CRTAC1: variants seen among roughly 807,000 people sequenced by gnomAD.
The protein encoded by CRTAC1 is acidic secreted protein in cartilage.
A neutral mutation model predicts 67.8 loss-of-function variants in CRTAC1; 37 were observed. That is an observed-to-expected ratio of 0.55 (90% CI 0.42 to 0.72). The LOEUF (loss-of-function observed/expected upper bound fraction) is 0.72, where lower values mean the gene tolerates loss of function less well. CRTAC1 is among the 30% of genes least tolerant of loss of function. The pLI is 0.00. For synonymous variants in CRTAC1, 348 were observed against 371.0 expected, an observed-to-expected ratio of 0.94 and a Z score of 0.71; for missense variants, 780 against 931.6, an observed-to-expected ratio of 0.84 and a Z score of 2.12.
chr10:97,954,195 T>C (rs2051404251), intron 2 of CRTAC1, among the ~76,000 whole-genome samples: 1 of 152,036 alleles, frequency 6.6e-6, no homozygotes, highest in Non-Finnish European at 1.5e-5. Context: ...AAGGCTAATA[T>C]TGAAGTAAAA....
chr10:98,015,357 T>A (rs1435177962), intron 1 of CRTAC1, among the ~76,000 whole-genome samples: 2 of 151,868 alleles, frequency 1.3e-5, no homozygotes, highest in Non-Finnish European at 2.9e-5. Flanking sequence ...TAGGGGGAAA[T>A]GGGAGTTAGT....
In CRTAC1 at chr10:97,931,927, G is replaced by A. The variant is rs575096578; in HGVS notation, c.421+4243C>T. ...CAGCACCTGTCTCTTGTCCCCCTGC[G>A]TCCTGCACACTCTCCTACCTGGTTT... is the stretch of plus-strand genomic sequence containing the variant. On this transcript the variant is annotated intron_variant, in intron 3 of 14. Transcript: ENST00000370597. 7.2e-5 allele frequency among the ~76,000 whole-genome samples: 11 copies of A among 152,268 alleles called. No homozygotes were observed. In the East Asian group the frequency reaches 2.1e-3, roughly 29 times the overall value.
intron 5 of CRTAC1, among the ~76,000 whole-genome samples, chr10:97,915,578 C>T (rs987766991): frequency 3.9e-5 from 6 of 152,062 alleles, no homozygotes; most frequent in Non-Finnish European, 5.9e-5. Flanking sequence ...GCCATCAGGC[C>T]GGGCTCAGCA....
At position 97,908,074 on chromosome 10, in the gene CRTAC1, C is replaced by A. The variant is rs112478506; in HGVS notation, c.789G>T (p.Gly263=). ...CCCGGTTGTGGAAAAGGAAGTTAGG[C>A]CCATTCTCATTGTCGCAGAAGATAT... The part of the protein sequence containing the change: ...ASDIFCDNEN[G]PNFLFHNRGD... Residue 263 remains glycine, a synonymous_variant, in exon 6 of 15, where the codon GGG becomes GGT. Coordinates refer to ENST00000370597, the MANE Select transcript of CRTAC1 (RefSeq NM_018058.7). 6.2e-7 allele frequency: 1 copy of A among 1,614,192 alleles called. No individual in the cohort carries two copies. The highest frequency in any genetic ancestry group is 8.5e-7 in the Non-Finnish European group (1 of 1,180,018).
intron 2 of CRTAC1, among the ~76,000 whole-genome samples, chr10:97,957,431 A>G (rs2051458343): frequency 6.6e-6 from 1 of 152,204 alleles, no homozygotes. Flanking sequence ...ACTATAAGCC[A>G]TGTGCACTGT....
At position 98,028,448 on chromosome 10, in the gene CRTAC1, G is replaced by A. The variant is rs1481518274; in HGVS notation, c.24+2001C>T. ...AGCAAGGGAGCGCTTGAGCATGAGA[G>A]GCTGTCACAAGCTGTTTAGTAGGAC... On this transcript the variant is annotated intron_variant, in intron 1 of 14. Transcript: ENST00000370597. Among the ~76,000 whole-genome samples the A allele has an allele frequency of 2.0e-5, 3 of 152,192 alleles. No individual in the cohort carries two copies. In the East Asian group the frequency reaches 5.8e-4, roughly 29 times the overall value.
At chr10:97,943,388 G>A (rs1455350838) in intron 2 of CRTAC1, among the ~76,000 whole-genome samples, 1 of 152,196 alleles carries the variant, frequency 6.6e-6, no homozygotes, top group African/African-American at 2.4e-5. Flanking sequence ...AAGACAAATG[G>A]AGAGACCCCT....
chr10:97,996,772 GAC>G (rs1454302464), intron 2 of CRTAC1, among the ~76,000 whole-genome samples: 1 of 152,086 alleles, frequency 6.6e-6, no homozygotes, highest in Admixed American at 6.6e-5. Context: ...CTGCTATAAA[GAC>G]ACATGCACAT....
chr10:97,901,975 G>C (rs941284894), intron 7 of CRTAC1, among the ~76,000 whole-genome samples: 1 of 152,180 alleles, frequency 6.6e-6, no homozygotes, highest in Non-Finnish European at 1.5e-5. Context: ...AGGTAACTGA[G>C]TCCTGGAGAA....
In CRTAC1 at chr10:98,014,498, A is replaced by C. The variant is rs528519344; in HGVS notation, c.25-3161T>G. ...AAAATTAAAAACTTTTGTACATCCA[A>C]GGACACTATCAAAAGAGTGAAAAGA... On this transcript the variant is annotated intron_variant, in intron 1 of 14. Coordinates refer to ENST00000370597, the MANE Select transcript of CRTAC1 (RefSeq NM_018058.7). Among the ~76,000 whole-genome samples the C allele has an allele frequency of 4.5e-4, 68 of 152,336 alleles. 2 individuals carry two copies. In the South Asian group the frequency reaches 0.014, roughly 31 times the overall value.
intron 2 of CRTAC1, among the ~76,000 whole-genome samples, chr10:98,010,193 C>A (rs1316777313): frequency 6.6e-6 from 1 of 152,038 alleles, no homozygotes; most frequent in African/African-American, 2.4e-5. Flanking sequence ...GCGCGCGCCA[C>A]CATGCCCAGC....
chr10:98,016,036 C>T (rs1437635888), intron 1 of CRTAC1, among the ~76,000 whole-genome samples: 2 of 152,192 alleles, frequency 1.3e-5, no homozygotes, highest in African/African-American at 4.8e-5. Context: ...TCTTTACACA[C>T]TCAAAGTGCT....
chr10:97,938,186 G>A (rs1380333263), intron 2 of CRTAC1, among the ~76,000 whole-genome samples: 3 of 152,166 alleles, frequency 2.0e-5, no homozygotes, highest in Non-Finnish European at 2.9e-5. Context: ...AGGGCTGCAT[G>A]TCCAGGGCGT....
chr10:97,890,118 C>T (rs1029517496), intron 11 of CRTAC1, among the ~76,000 whole-genome samples: 6 of 151,602 alleles, frequency 4.0e-5, no homozygotes, highest in Non-Finnish European at 8.8e-5. Flanking sequence ...CACACACACA[C>T]TCTCACACGT....
intron 14 of CRTAC1, among the ~76,000 whole-genome samples, chr10:97,874,789 G>T (rs766270419): frequency 2.6e-5 from 4 of 152,116 alleles, no homozygotes; most frequent in African/African-American, 9.7e-5. Flanking sequence ...TTTGCTCAAT[G>T]CCTCTTTCTC....
At chr10:97,942,971 C>A (rs2051199180) in intron 2 of CRTAC1, among the ~76,000 whole-genome samples, 1 of 151,676 alleles carries the variant, frequency 6.6e-6, no homozygotes, top group Non-Finnish European at 1.5e-5. Context: ...ACTCAGGAGG[C>A]TGAGGTGGGA....
intron 2 of CRTAC1, among the ~76,000 whole-genome samples, chr10:97,989,637 G>A (rs1428266438): frequency 6.6e-6 from 1 of 152,202 alleles, no homozygotes. Flanking sequence ...AATGTTACAC[G>A]TTGCATGCCA....
In CRTAC1 at chr10:98,029,719, G is replaced by A. The variant is rs1843323932; in HGVS notation, c.24+730C>T. Among the ~76,000 whole-genome samples, 1 of 152,216 alleles carries A rather than the reference G, an allele frequency of 6.6e-6. No homozygotes were observed. Among genetic ancestry groups the A allele is most frequent in the Non-Finnish European group, 1.5e-5 (1 of 68,024 alleles). On this transcript the variant is annotated intron_variant, in intron 1 of 14. Transcript: ENST00000370597. The surrounding 1 kb of genome is among the most constrained non-coding windows in gnomAD (Gnocchi z 4.7). ...GTACTGCAAAGAAGCGCGCTGCATT[G>A]CTGGGCATGCCCCCAAGCCCGGCCT...
intron 6 of CRTAC1, among the ~76,000 whole-genome samples, chr10:97,906,493 T>C (rs1380124586): frequency 2.0e-5 from 3 of 152,262 alleles, no homozygotes; most frequent in Middle Eastern, 3.4e-3. Context: ...GCACCTTGCC[T>C]CTCTCCTCCC....
Sources: gnomAD v4.1 joint callset for allele counts (sites outside exome capture counted in the v4.1 genomes callset) on GRCh38, gnomAD v4.1.1 for gene constraint, Gnocchi (gnomAD v3.1) non-coding constraint, MANE v1.5 for transcripts, NCBI Gene and HGNC (gene_info 2026-07-23, HGNC 2026-07-21) for gene names.